Variants in SLC9B1 observed in about 807,000 individuals in gnomAD.
SLC9B1 encodes solute carrier family 9 member B1.
In SLC9B1, 32 loss-of-function variants were observed where a neutral mutation model predicts 51.7. The ratio of observed to expected loss-of-function variants is 0.62; its 90% CI spans 0.47 to 0.83. The LOEUF (loss-of-function observed/expected upper bound fraction) is 0.83. SLC9B1 is among the 40% of genes least tolerant of loss of function. The pLI, the probability that SLC9B1 is intolerant of heterozygous loss-of-function variation, is 0.00. For synonymous variants in SLC9B1, 145 were observed against 212.7 expected, an observed-to-expected ratio of 0.68 and a Z score of 2.77; for missense variants, 406 against 613.2, an observed-to-expected ratio of 0.66 and a Z score of 3.57.
rs1414260325 is a variant in SLC9B1 at position 103,019,533 on chromosome 4, T to C, written c.-2+66A>G. ...CCTGCGGCCTACCGCAAGGAAACGA[T>C]CGCGGCAGACCCGGGACTAGCGCCA... On this transcript the variant is annotated intron_variant, in intron 1 of 11. Coordinates refer to ENST00000296422, the MANE Select transcript of SLC9B1 (RefSeq NM_139173.4). The C allele has an allele frequency of 4.1e-6, 4 of 974,832 alleles. No individual in the cohort carries two copies. In the East Asian group the frequency reaches 3.4e-4, roughly 83 times the overall value. The allele number at this position is 974,832 out of a possible 1,614,324, so 60.4% of individuals were successfully genotyped here. A position where few individuals can be genotyped will look rare whatever the true frequency, so the allele number is the denominator to read the frequency against.
chr4:102,962,649 G>A (rs1212302493), intron 3 of SLC9B1: 2 of 469,654 alleles, frequency 4.3e-6, no homozygotes, highest in Non-Finnish European at 8.8e-6. Flanking sequence ...ATTGGGAGCT[G>A]CATCAATCAC....
chr4:102,923,886 A>G (rs528401799), intron 7 of SLC9B1, among the ~76,000 whole-genome samples: 1 of 152,188 alleles, frequency 6.6e-6, no homozygotes, highest in Non-Finnish European at 1.5e-5. Flanking sequence ...ACTACAAACC[A>G]CTTCTCAACG....
chr4:102,951,020 G>C (rs1047680579), intron 3 of SLC9B1, among the ~76,000 whole-genome samples: 1 of 151,394 alleles, frequency 6.6e-6, no homozygotes, highest in Non-Finnish European at 1.5e-5. Flanking sequence ...AAACAAAACA[G>C]AAAACAAAAC....
At chr4:102,945,345 A>C (rs1418598170) in intron 5 of SLC9B1, 25 bp from the exon 6 acceptor site, 1 of 1,531,104 alleles carries the variant, frequency 6.5e-7, no homozygotes, top group South Asian at 1.3e-5. Flanking sequence ...AGTCACACTT[A>C]GATACATTTA....
At chr4:102,980,792 C>T (rs1344352291) in intron 3 of SLC9B1, among the ~76,000 whole-genome samples, 1 of 152,138 alleles carries the variant, frequency 6.6e-6, no homozygotes, top group East Asian at 1.9e-4. Context: ...CTATGACCAA[C>T]ATTCCACACC....
At chr4:102,893,907 C>A (rs868043590) in intron 11 of SLC9B1, among the ~76,000 whole-genome samples, 2 of 152,072 alleles carry the variant, frequency 1.3e-5, no homozygotes, top group Middle Eastern at 3.4e-3. Context: ...AACAAAAAAA[C>A]AAACAAAAAA....
intron 1 of SLC9B1, among the ~76,000 whole-genome samples, chr4:102,999,889 G>A (rs1740430131): frequency 6.6e-6 from 1 of 152,138 alleles, no homozygotes. Context: ...AAAGGAAAGA[G>A]GTTTAATTGA....
chr4:102,993,485 C>T (rs1740057026), intron 1 of SLC9B1, among the ~76,000 whole-genome samples: 1 of 152,208 alleles, frequency 6.6e-6, no homozygotes, highest in South Asian at 2.1e-4. Flanking sequence ...AGTTACAGTC[C>T]CACTCTCTGG....
intron 1 of SLC9B1, among the ~76,000 whole-genome samples, chr4:103,002,381 C>T (rs1190223944): frequency 1.3e-5 from 2 of 152,170 alleles, no homozygotes; most frequent in Non-Finnish European, 2.9e-5. Flanking sequence ...TATAATGTGA[C>T]AAGTATTCTG....
chr4:102,920,386 C>T (rs1578346723), intron 7 of SLC9B1, among the ~76,000 whole-genome samples: 1 of 152,160 alleles, frequency 6.6e-6, no homozygotes, highest in Admixed American at 6.6e-5. Context: ...ATCATCTACA[C>T]CAAAACCCCA....
intron 1 of SLC9B1, among the ~76,000 whole-genome samples, chr4:103,006,131 C>A (rs963249033): frequency 6.6e-6 from 1 of 151,492 alleles, no homozygotes; most frequent in African/African-American, 2.4e-5. Flanking sequence ...ACATGACAAG[C>A]AATACAAAAA....
At chr4:103,008,863 A>T (rs1223181204) in intron 1 of SLC9B1, among the ~76,000 whole-genome samples, 2 of 136,704 alleles carry the variant, frequency 1.5e-5, no homozygotes, top group Non-Finnish European at 3.1e-5. Flanking sequence ...GCAGTGGCGC[A>T]ATCTCGACTC....
At chr4:102,926,237 T>C (rs1181025652) in intron 7 of SLC9B1, among the ~76,000 whole-genome samples, 1 of 152,254 alleles carries the variant, frequency 6.6e-6, no homozygotes, top group Non-Finnish European at 1.5e-5. Context: ...GTGTTGGAAG[T>C]TCTGACCAGT....
chr4:102,954,673 A>G (rs1737690297), intron 3 of SLC9B1, among the ~76,000 whole-genome samples: 1 of 152,092 alleles, frequency 6.6e-6, no homozygotes, highest in Non-Finnish European at 1.5e-5. Flanking sequence ...TCAAACAAAT[A>G]CATTTAAGAA....
chr4:102,983,787 T>C (rs1387229894), intron 3 of SLC9B1, among the ~76,000 whole-genome samples: 3 of 152,146 alleles, frequency 2.0e-5, no homozygotes, highest in Non-Finnish European at 4.4e-5. Context: ...TCTTAGTTAG[T>C]TTGGCTAAAG....
rs1308976993 is a variant in SLC9B1 at position 102,991,679 on chromosome 4, C to A, written c.33G>T (p.Leu11Phe). ...TAGATGTTTGGAAGTTTTCATCCTC[C>A]AAATGTTCATTTTTTGATTCTGTGG... is the stretch of plus-strand genomic sequence containing the variant. MHTTESKNEH[L>F]EDENFQTSTT... Residue 11 changes from leucine (L) to phenylalanine (F), a missense_variant, in exon 2 of 12, where the codon TTG becomes TTT. By Grantham distance (22) the Leu-to-Phe change is conservative. Around this residue, in one of 6 missense-constraint regions of SLC9B1, gnomAD observed 108 missense variants for 94.5 expected, o/e 1.14. Transcript: ENST00000296422. 1 of 1,589,048 alleles carries A rather than the reference C, an allele frequency of 6.3e-7. No homozygotes were observed. Among genetic ancestry groups the A allele is most frequent in the East Asian group, 2.3e-5 (1 of 44,052 alleles).
At chr4:102,885,084 C>A in exon 12 of SLC9B1, 1 of 746,738 alleles carries the variant, frequency 1.3e-6, no homozygotes, top group Non-Finnish European at 2.4e-6. Flanking sequence ...TATTTATTCA[C>A]AGTTTTATGG....
At chr4:103,000,760 C>T (rs1740478270) in intron 1 of SLC9B1, among the ~76,000 whole-genome samples, 1 of 152,212 alleles carries the variant, frequency 6.6e-6, no homozygotes, top group Admixed American at 6.5e-5. Flanking sequence ...CCATGCCTGG[C>T]TGCTTTCACA....
chr4:103,002,202 T>C (rs1028472491), intron 1 of SLC9B1, among the ~76,000 whole-genome samples: 5 of 152,196 alleles, frequency 3.3e-5, no homozygotes, highest in East Asian at 1.9e-4. Flanking sequence ...GCCCAAACCA[T>C]ATCAGGCATA....
Sources: allele counts gnomAD v4.1 joint callset (sites outside exome capture counted in the v4.1 genomes callset), GRCh38; gene constraint gnomAD v4.1.1; regional missense constraint gnomAD v4.1.1; transcripts MANE v1.5; gene names NCBI Gene and HGNC (gene_info 2026-07-23, HGNC 2026-07-21).